Variants in CNBD1 observed in about 807,000 individuals in gnomAD.
CNBD1 encodes the protein cyclic nucleotide-binding domain-containing protein 1.
In CNBD1, 71 loss-of-function variants were observed where a neutral mutation model predicts 54.4. That is an observed-to-expected ratio of 1.30 (90% CI 1.08 to 1.59). The LOEUF (loss-of-function observed/expected upper bound fraction) is 1.59, where lower values mean the gene tolerates loss of function less well. Among genes scored for constraint, CNBD1 ranks in the 40% most tolerant of loss-of-function variants. The pLI is 0.00. For missense variants in CNBD1, 659 were observed against 518.0 expected (o/e 1.27, Z -2.64); for synonymous variants, 182 against 170.7 (o/e 1.07, Z -0.51).
intron 8 of CNBD1, among the ~76,000 whole-genome samples, chr8:87,348,078 A>C (rs536700060): frequency 6.6e-6 from 1 of 152,138 alleles, no homozygotes; most frequent in Non-Finnish European, 1.5e-5. Flanking sequence ...TCTTATGCCA[A>C]GTGACAGGTA....
rs566760226 is a variant in CNBD1, at chr8:86,876,175, G to T, written c.88+9592G>T. On this transcript the variant is annotated intron_variant, in intron 1 of 10. Coordinates refer to ENST00000518476, the MANE Select transcript of CNBD1 (RefSeq NM_173538.3). ...ATAATGCCTTGTTTGATACCTGTGT[G>T]TGTGTGTTTGTGTGTGTGTGTGTGT... Among the ~76,000 whole-genome samples the T allele has an allele frequency of 2.6e-3, 160 of 61,112 alleles. 1 individual carries two copies. The highest frequency in any genetic ancestry group is 0.017 in the African/African-American group (159 of 9,294). The allele number at this position is 61,112 out of a possible 152,430, so 40.1% of individuals were successfully genotyped here. A position where few individuals can be genotyped will look rare whatever the true frequency, so the allele number is the denominator to read the frequency against.
chr8:86,899,472 C>T (rs990986321), intron 2 of CNBD1, among the ~76,000 whole-genome samples: 2 of 152,038 alleles, frequency 1.3e-5, no homozygotes, highest in Non-Finnish European at 2.9e-5. Flanking sequence ...TTTAAAGATA[C>T]TAAAAATATA....
intron 4 of CNBD1, among the ~76,000 whole-genome samples, chr8:87,032,013 A>G (rs567199251): frequency 6.6e-6 from 1 of 152,276 alleles, no homozygotes; most frequent in African/African-American, 2.4e-5. Flanking sequence ...ACTGCTGGGA[A>G]TTACAGGCAT....
intron 2 of CNBD1, among the ~76,000 whole-genome samples, chr8:87,393,321 T>C (rs573354463): frequency 6.6e-6 from 1 of 151,950 alleles, no homozygotes; most frequent in South Asian, 2.1e-4. Flanking sequence ...GATAATATTC[T>C]CCCTCCAGAA....
intron 4 of CNBD1, among the ~76,000 whole-genome samples, chr8:87,070,687 G>A (rs1366040506): frequency 6.6e-6 from 1 of 151,996 alleles, no homozygotes; most frequent in Non-Finnish European, 1.5e-5. Flanking sequence ...ATAAGGAGCA[G>A]AAGTGATAGC....
intron 8 of CNBD1, among the ~76,000 whole-genome samples, chr8:87,320,743 C>A (rs996132035): frequency 1.3e-5 from 2 of 151,950 alleles, no homozygotes; most frequent in African/African-American, 4.8e-5. Flanking sequence ...GAGACCTATC[C>A]TAACAAATTT....
intron 8 of CNBD1, among the ~76,000 whole-genome samples, chr8:87,302,507 T>G (rs560340374): frequency 6.6e-6 from 1 of 151,808 alleles, no homozygotes; most frequent in Admixed American, 6.6e-5. Flanking sequence ...TAAGAGCTAT[T>G]TATGACAAAC....
intron 5 of CNBD1, among the ~76,000 whole-genome samples, chr8:87,222,692 T>A (rs2130810292): frequency 6.6e-6 from 1 of 152,284 alleles, no homozygotes; most frequent in Admixed American, 6.5e-5. Context: ...TTTAGCAAGA[T>A]TCACAATCAT....
chr8:87,392,671 G>A (rs1033393962), intron 2 of CNBD1, among the ~76,000 whole-genome samples: 13 of 152,046 alleles, frequency 8.6e-5, no homozygotes, highest in Admixed American at 2.0e-4. Context: ...GGAATGAAGA[G>A]TGGCTACTAA....
chr8:87,051,826 A>G (rs1384012412), intron 4 of CNBD1, among the ~76,000 whole-genome samples: 2 of 152,112 alleles, frequency 1.3e-5, no homozygotes, highest in African/African-American at 4.8e-5. Flanking sequence ...TGCTGCAGAG[A>G]TTTTTGTTTA....
intron 4 of CNBD1, among the ~76,000 whole-genome samples, chr8:87,123,999 T>C (rs1194194756): frequency 6.6e-6 from 1 of 151,634 alleles, no homozygotes; most frequent in African/African-American, 2.4e-5. Flanking sequence ...ATTCTTCAAT[T>C]AAAAGAAAAC....
chr8:86,902,582 A>G (rs1808954800), intron 2 of CNBD1, among the ~76,000 whole-genome samples: 1 of 152,002 alleles, frequency 6.6e-6, no homozygotes, highest in Non-Finnish European at 1.5e-5. Context: ...AGTGTTCTAG[A>G]GTTCTGCTGT....
At chr8:86,966,360 G>C (rs1203124031) in intron 4 of CNBD1, among the ~76,000 whole-genome samples, 1 of 152,214 alleles carries the variant, frequency 6.6e-6, no homozygotes, top group Non-Finnish European at 1.5e-5. Flanking sequence ...CTTCCGGTCG[G>C]TTCTTGGTCT....
At chr8:87,424,849 T>A (rs1190853336) in intron 2 of CNBD1, among the ~76,000 whole-genome samples, 1 of 152,160 alleles carries the variant, frequency 6.6e-6, no homozygotes, top group South Asian at 2.1e-4. Context: ...CTGTATTTCC[T>A]GAATCTGAAC....
chr8:87,272,454 T>A (rs1044075419), intron 6 of CNBD1, among the ~76,000 whole-genome samples: 1 of 152,026 alleles, frequency 6.6e-6, no homozygotes, highest in African/African-American at 2.4e-5. Context: ...CTTATTCAAC[T>A]GAATCTTCTT....
chr8:87,238,969 C>T (rs1215378560), intron 6 of CNBD1, among the ~76,000 whole-genome samples: 1 of 152,046 alleles, frequency 6.6e-6, no homozygotes, highest in Non-Finnish European at 1.5e-5. Context: ...ATTGTACCTT[C>T]CAGTACATTC....
At position 87,206,114 on chromosome 8, in the gene CNBD1, G is replaced by A. The variant is rs114439288; in HGVS notation, c.553G>A (p.Glu185Lys). The stretch of plus-strand genomic sequence containing the variant: ...AACACTTAGTAAGACTGTCTTTTCC[G>A]AAACCTGGTTGAAAGGCAGCACAGG... ...LKTLSKTVFSETWLKGSTVVA... is the reference protein window; with the variant it reads ...LKTLSKTVFSKTWLKGSTVVA... Residue 185 changes from glutamate (E) to lysine (K), a missense_variant, in exon 5 of 11, where the codon GAA becomes AAA. Coordinates refer to ENST00000518476, the MANE Select transcript of CNBD1 (RefSeq NM_173538.3). The A allele has an allele frequency of 2.4e-4, 380 of 1,585,882 alleles. 1 individual carries two copies. The African/African-American group carries it at 4.4e-3, about 18-fold the overall frequency.
At chr8:87,074,267 C>A (rs866414973) in intron 4 of CNBD1, among the ~76,000 whole-genome samples, 9 of 152,106 alleles carry the variant, frequency 5.9e-5, no homozygotes, top group South Asian at 2.1e-4. Flanking sequence ...GCCACACCCT[C>A]CCCCTGGGAA....
intron 4 of CNBD1, among the ~76,000 whole-genome samples, chr8:87,195,179 G>A (rs6982528): frequency 0.013 from 1,918 of 150,452 alleles, 51 homozygotes; most frequent in African/African-American, 0.045. Flanking sequence ...CACCATGCCC[G>A]GCCCGTTTAG....
Sources: allele counts gnomAD v4.1 joint callset (sites outside exome capture counted in the v4.1 genomes callset), GRCh38; gene constraint gnomAD v4.1.1; transcripts MANE v1.5; gene names NCBI Gene and HGNC (gene_info 2026-07-23, HGNC 2026-07-21).